The following EXOC4 variants were observed in gnomAD, a reference collection of about 807,000 sequenced individuals.
EXOC4 encodes the protein exocyst complex component 4.
A neutral mutation model predicts 107.2 loss-of-function variants in EXOC4; 71 were observed. The ratio of observed to expected loss-of-function variants is 0.66; its 90% CI spans 0.55 to 0.81. The LOEUF is 0.81. Ranked by LOEUF, EXOC4 falls within the 30% of genes least tolerant of loss-of-function variation. The pLI is 0.00. For missense variants in EXOC4, 1,108 were observed against 1,189.6 expected (o/e 0.93, Z 1.01); for synonymous variants, 456 against 441.2 (o/e 1.03, Z -0.42).
chr7:133,547,948 C>T (rs1433699982), intron 9 of EXOC4, among the ~76,000 whole-genome samples: 1 of 151,922 alleles, frequency 6.6e-6, no homozygotes, highest in Admixed American at 6.6e-5. Flanking sequence ...TGAATCCTTT[C>T]CAAAAGGTTT....
intron 5 of EXOC4, among the ~76,000 whole-genome samples, chr7:133,348,204 T>C (rs1213618024): frequency 6.6e-6 from 1 of 152,188 alleles, no homozygotes; most frequent in Non-Finnish European, 1.5e-5. Flanking sequence ...TCCTTTTAAA[T>C]TGCCTTTTAA....
At chr7:133,611,637 C>T (rs1324440494) in intron 9 of EXOC4, among the ~76,000 whole-genome samples, 3 of 152,090 alleles carry the variant, frequency 2.0e-5, no homozygotes, top group African/African-American at 7.2e-5. Flanking sequence ...TGTGTCACTG[C>T]CTTCACACAT....
chr7:133,516,800 C>G (rs577028515), intron 9 of EXOC4, among the ~76,000 whole-genome samples: 4 of 65,662 alleles, frequency 6.1e-5, no homozygotes, highest in Non-Finnish European at 8.9e-5. Context: ...TATTTACAGT[C>G]GAAAACATTT....
intron 7 of EXOC4, among the ~76,000 whole-genome samples, chr7:133,471,658 T>C (rs1798882374): frequency 6.6e-6 from 1 of 152,206 alleles, no homozygotes; most frequent in South Asian, 2.1e-4. Context: ...CATTCTACTT[T>C]GAAGACTTTT....
At chr7:133,871,982 C>G (rs1356770197) in intron 11 of EXOC4, among the ~76,000 whole-genome samples, 1 of 152,056 alleles carries the variant, frequency 6.6e-6, no homozygotes, top group Non-Finnish European at 1.5e-5. Flanking sequence ...TCCTTATGTG[C>G]TAATGTTCAA....
chr7:133,871,466 T>C (rs1301935696), intron 11 of EXOC4, among the ~76,000 whole-genome samples: 1 of 152,178 alleles, frequency 6.6e-6, no homozygotes, highest in African/African-American at 2.4e-5. Context: ...ATCTTAAAGA[T>C]GGCAAAAGTC....
chr7:133,860,824 A>T (rs941741686), intron 11 of EXOC4, among the ~76,000 whole-genome samples: 1 of 152,158 alleles, frequency 6.6e-6, no homozygotes. Flanking sequence ...TGATGTCATG[A>T]TCTACCTAAA....
chr7:133,718,864 C>T (rs1352377617), intron 10 of EXOC4, among the ~76,000 whole-genome samples: 5 of 152,064 alleles, frequency 3.3e-5, no homozygotes, highest in African/African-American at 1.2e-4. Context: ...CCCACTTTCC[C>T]AGTCTTGTTA....
chr7:133,855,092 AAT>A (rs369635122), intron 11 of EXOC4, among the ~76,000 whole-genome samples: 573 of 48,970 alleles, frequency 0.012, 8 homozygotes, highest in African/African-American at 0.046. Context: ...AATATATATA[AAT>A]ATATATATAA....
intron 12 of EXOC4, among the ~76,000 whole-genome samples, chr7:133,909,380 T>A (rs562011393): frequency 1.2e-4 from 18 of 152,038 alleles, no homozygotes; most frequent in Admixed American, 2.0e-4. Context: ...CAGGTTCAAG[T>A]GAGGAGAGTA....
intron 13 of EXOC4, among the ~76,000 whole-genome samples, chr7:133,927,674 A>C (rs1800082658): frequency 6.6e-6 from 1 of 152,244 alleles, no homozygotes; most frequent in Admixed American, 6.5e-5. Flanking sequence ...AAAAGGAAAG[A>C]TAAATCAGAA....
intron 9 of EXOC4, among the ~76,000 whole-genome samples, chr7:133,580,317 A>AT (rs201327571): frequency 0.023 from 3,530 of 152,216 alleles, 63 homozygotes; most frequent in Non-Finnish European, 0.033. Flanking sequence ...GTATACAAAT[A>AT]TTTTTTTGAG....
intron 12 of EXOC4, among the ~76,000 whole-genome samples, chr7:133,901,611 A>C (rs942988597): frequency 3.9e-5 from 6 of 152,200 alleles, no homozygotes; most frequent in African/African-American, 1.4e-4. Flanking sequence ...AAAAATTGTC[A>C]ATCTTTTATA....
chr7:133,666,862 A>T (rs1296567206), intron 10 of EXOC4, among the ~76,000 whole-genome samples: 1 of 152,174 alleles, frequency 6.6e-6, no homozygotes, highest in Non-Finnish European at 1.5e-5. Context: ...CAAAGCCCAG[A>T]TAAGTATCAT....
At chr7:133,258,361 C>G (rs897438198) in intron 1 of EXOC4, among the ~76,000 whole-genome samples, 37 of 152,218 alleles carry the variant, frequency 2.4e-4, no homozygotes, top group African/African-American at 8.7e-4. Flanking sequence ...TTTTTCAAGC[C>G]ATTATTTGTA....
intron 7 of EXOC4, among the ~76,000 whole-genome samples, chr7:133,418,489 A>C (rs909251876): frequency 6.6e-6 from 1 of 152,204 alleles, no homozygotes; most frequent in Non-Finnish European, 1.5e-5. Context: ...AATTACTAAG[A>C]AGAATGTCTG....
intron 10 of EXOC4, among the ~76,000 whole-genome samples, chr7:133,799,469 T>G (rs2151193415): frequency 6.6e-6 from 1 of 152,324 alleles, no homozygotes; most frequent in Middle Eastern, 3.4e-3. Context: ...CACCGCTGAT[T>G]TCATGTATAT....
Position 133,831,493 on chromosome 7 carries a change from G to A in EXOC4, c.1734+13949G>A, listed in dbSNP as rs187551460. On this transcript the variant is annotated intron_variant, in intron 11 of 17. Coordinates refer to ENST00000253861, the MANE Select transcript of EXOC4 (RefSeq NM_021807.4). ...TCCACTTTATTTTGCTGCTGAAATC[G>A]TTCTAGCTTTGGACATCAGTAACTT... is the stretch of plus-strand genomic sequence containing the variant. 2.9e-4 allele frequency among the ~76,000 whole-genome samples: 44 copies of A among 151,342 alleles called. No homozygotes were observed. The East Asian group carries it at 6.8e-3, about 23-fold the overall frequency.
At chr7:133,871,622 T>C (rs1419722121) in intron 11 of EXOC4, among the ~76,000 whole-genome samples, 2 of 152,176 alleles carry the variant, frequency 1.3e-5, no homozygotes, top group Non-Finnish European at 2.9e-5. Context: ...CAGTCATTAA[T>C]TTCTCTCTTT....
Sources: gnomAD v4.1 joint callset for allele counts (sites outside exome capture counted in the v4.1 genomes callset) on GRCh38, gnomAD v4.1.1 for gene constraint, MANE v1.5 for transcripts, NCBI Gene and HGNC (gene_info 2026-07-23, HGNC 2026-07-21) for gene names.